Variants in RANBP2 observed in about 807,000 individuals in gnomAD.
RANBP2 encodes the protein RAN binding protein 2.
RANBP2 carries 57 observed loss-of-function variants against 303.6 expected under a neutral mutation model. The observed-to-expected ratio is 0.19, with a 90% CI of 0.15 to 0.23. The LOEUF is 0.23. RANBP2 is among the 10% of genes least tolerant of loss of function. RANBP2 has a pLI of 1.00. For synonymous variants in RANBP2, 1,167 were observed against 1,301.5 expected, an observed-to-expected ratio of 0.90 and a Z score of 2.23; for missense variants, 3,138 against 3,780.8, an observed-to-expected ratio of 0.83 and a Z score of 4.46.
the RANBP2 span, among the ~76,000 whole-genome samples, chr2:108,909,777 A>C: frequency 6.6e-6 from 1 of 152,200 alleles, no homozygotes; most frequent in African/African-American, 2.4e-5. Flanking sequence ...CCACACCTTC[A>C]TGTGTGGTAA....
chr2:108,995,170 T>G, the RANBP2 span, among the ~76,000 whole-genome samples: 3 of 152,020 alleles, frequency 2.0e-5, no homozygotes, highest in Admixed American at 1.3e-4. Context: ...ATCAATGGAT[T>G]TTTTTCTAGA....
intron 19 of RANBP2, among the ~76,000 whole-genome samples, chr2:108,762,942 C>A (rs1420160336): frequency 6.6e-6 from 1 of 152,058 alleles, no homozygotes; most frequent in Non-Finnish European, 1.5e-5. Flanking sequence ...ATGCAAGTAT[C>A]TTTGTAGTAA....
At chr2:109,438,982 G>A in the RANBP2 span, among the ~76,000 whole-genome samples, 2 of 152,170 alleles carry the variant, frequency 1.3e-5, no homozygotes, top group East Asian at 1.9e-4. Context: ...TCATCACGGT[G>A]AGTCAGCATC....
the RANBP2 span, chr2:109,615,892 T>G: frequency 1.9e-6 from 3 of 1,612,600 alleles, no homozygotes; most frequent in Middle Eastern, 1.7e-4. Flanking sequence ...AGTGGACGTA[T>G]AAAACCCAGA....
At chr2:109,239,307 T>G in the RANBP2 span, among the ~76,000 whole-genome samples, 1 of 152,142 alleles carries the variant, frequency 6.6e-6, no homozygotes, top group Non-Finnish European at 1.5e-5. Context: ...CTTTTATCCC[T>G]TCCTAGGGGG....
At chr2:109,130,093 A>G in the RANBP2 span, 1 of 1,353,714 alleles carries the variant, frequency 7.4e-7, no homozygotes, top group East Asian at 3.1e-5. Context: ...GGCGACCAGC[A>G]GGACCGCGCC....
the RANBP2 span, among the ~76,000 whole-genome samples, chr2:109,317,586 A>G: frequency 6.6e-6 from 1 of 152,162 alleles, no homozygotes; most frequent in African/African-American, 2.4e-5. Flanking sequence ...TCTGAGGTAC[A>G]GAACAGTCAA....
At chr2:109,402,614 C>G in the RANBP2 span, among the ~76,000 whole-genome samples, 1 of 152,222 alleles carries the variant, frequency 6.6e-6, no homozygotes, top group Non-Finnish European at 1.5e-5. Context: ...TCTCACAGTC[C>G]CCTCGGGACC....
At chr2:108,805,659 G>A in the RANBP2 span, among the ~76,000 whole-genome samples, 6 of 152,004 alleles carry the variant, frequency 3.9e-5, no homozygotes, top group South Asian at 2.1e-4. Flanking sequence ...CCCAGGAGGC[G>A]GAGCTTGCAG....
chr2:109,474,091 A>T, the RANBP2 span, among the ~76,000 whole-genome samples: 1 of 152,048 alleles, frequency 6.6e-6, no homozygotes, highest in Non-Finnish European at 1.5e-5. Context: ...CATTTGATGC[A>T]CAGTCTGGGC....
the RANBP2 span, among the ~76,000 whole-genome samples, chr2:109,655,348 T>C: frequency 6.6e-6 from 1 of 152,236 alleles, no homozygotes; most frequent in African/African-American, 2.4e-5. Context: ...TGAAGGGCTC[T>C]GTCCAGATAG....
At chr2:108,791,088 A>C in the RANBP2 span, among the ~76,000 whole-genome samples, 1 of 152,180 alleles carries the variant, frequency 6.6e-6, no homozygotes, top group South Asian at 2.1e-4. Context: ...AACATTGATT[A>C]CATGTTGAAA....
the RANBP2 span, among the ~76,000 whole-genome samples, chr2:108,944,379 G>T: frequency 1.3e-5 from 2 of 152,220 alleles, no homozygotes; most frequent in African/African-American, 4.8e-5. Context: ...CTCCCAAAGT[G>T]CTGGGATTAC....
chr2:109,245,030 T>C, the RANBP2 span, among the ~76,000 whole-genome samples: 2 of 152,134 alleles, frequency 1.3e-5, no homozygotes, highest in African/African-American at 4.8e-5. Flanking sequence ...GCGTCCCCTT[T>C]AAGTGTTTAG....
At chr2:109,484,701 A>G in the RANBP2 span, among the ~76,000 whole-genome samples, 1 of 152,224 alleles carries the variant, frequency 6.6e-6, no homozygotes, top group African/African-American at 2.4e-5. Flanking sequence ...AAGTGATGCA[A>G]TAAATCAAAT....
At chr2:108,815,681 C>T in the RANBP2 span, among the ~76,000 whole-genome samples, 2 of 151,820 alleles carry the variant, frequency 1.3e-5, no homozygotes, top group East Asian at 3.9e-4. Flanking sequence ...AGGCTGGTCT[C>T]GAACTCCTAG....
the RANBP2 span, among the ~76,000 whole-genome samples, chr2:109,653,051 T>A: frequency 6.6e-6 from 1 of 152,206 alleles, no homozygotes; most frequent in Admixed American, 6.5e-5. Flanking sequence ...AGAATTTCTC[T>A]GCCTCTATAA....
At chr2:108,846,834 G>T in the RANBP2 span, 6 of 1,613,298 alleles carry the variant, frequency 3.7e-6, no homozygotes, top group African/African-American at 1.3e-5. Context: ...ACAGCATTCT[G>T]TGGAGAATAA....
the RANBP2 span, among the ~76,000 whole-genome samples, chr2:109,049,207 T>C: frequency 2.6e-5 from 4 of 152,180 alleles, no homozygotes; most frequent in Non-Finnish European, 4.4e-5. Flanking sequence ...GAGTTTACAC[T>C]TCATCCTCCG....
Sources: allele counts gnomAD v4.1 joint callset (sites outside exome capture counted in the v4.1 genomes callset), GRCh38; gene constraint gnomAD v4.1.1; transcripts MANE v1.5; gene names NCBI Gene and HGNC (gene_info 2026-07-23, HGNC 2026-07-21).